The following STARD9 variants were observed in gnomAD, a reference collection of about 807,000 sequenced individuals.
STARD9 encodes StAR related lipid transfer domain containing 9.
In STARD9, 346 loss-of-function variants were observed where a neutral mutation model predicts 399.8. The ratio of observed to expected loss-of-function variants is 0.87; its 90% CI spans 0.79 to 0.95. STARD9 has a LOEUF of 0.95. STARD9 is among the 40% of genes least tolerant of loss of function. STARD9 has a pLI of 0.00. For synonymous variants in STARD9, 2,203 were observed against 2,143.5 expected, an observed-to-expected ratio of 1.03 and a Z score of -0.77; for missense variants, 5,832 against 5,667.5, an observed-to-expected ratio of 1.03 and a Z score of -0.93.
chr15:42,602,363 G>C (rs2058646597), intron 3 of STARD9, among the ~76,000 whole-genome samples: 1 of 152,196 alleles, frequency 6.6e-6, no homozygotes, highest in African/African-American at 2.4e-5. Flanking sequence ...TCAAGGTAGA[G>C]GGGTCGTGAC....
In STARD9 at chr15:42,689,366, T is replaced by C. The variant is rs948091617; in HGVS notation, c.7788T>C (p.Cys2596=). ...CSSRVAGRPQ[C]KQIDQSSSDQ... ...CAAGGGTTGCTGGCAGGCCTCAGTG[T>C]AAACAAATAGACCAGTCATCATCAG... The change falls in exon 23 of 33, where the codon TGT becomes TGC. Residue 2596 remains cysteine (C), a synonymous_variant. Transcript: ENST00000290607. 6.5e-7 allele frequency: 1 copy of C among 1,537,178 alleles called. No individual in the cohort carries two copies. Among genetic ancestry groups the C allele is most frequent in the African/African-American group, 1.4e-5 (1 of 73,036 alleles).
chr15:42,716,653 T>C, intron 26 of STARD9, 24 bp from the exon 27 acceptor site: 1 of 1,452,718 alleles, frequency 6.9e-7, no homozygotes, highest in Non-Finnish European at 9.3e-7. Flanking sequence ...TCTGGCTCTG[T>C]CCTGAGTATC....
At chr15:42,594,250 A>G (rs1030805897) in intron 3 of STARD9, among the ~76,000 whole-genome samples, 4 of 152,222 alleles carry the variant, frequency 2.6e-5, no homozygotes, top group African/African-American at 9.6e-5. Context: ...GCAGGAACCA[A>G]GAGGAGCCAC....
intron 1 of STARD9, among the ~76,000 whole-genome samples, chr15:42,580,529 A>T (rs1339899532): frequency 6.6e-6 from 1 of 152,178 alleles, no homozygotes; most frequent in Admixed American, 6.5e-5. Flanking sequence ...ATAAAAAAAA[A>T]CAACTAGAAG....
At position 42,717,978 on chromosome 15, in the gene STARD9, T is replaced by C. The variant is rs1197770060; in HGVS notation, c.13561T>C (p.Tyr4521His). Reference protein sequence around the residue: ...FSCQATAGWNYQGEEQAVQLY... With the variant: ...FSCQATAGWNHQGEEQAVQLY... ...TCTGTGCTTGGTGTCTCCCCCCAGC[T>C]ATCAGGGTGAGGAGCAGGCGGTGCA... The change falls in exon 30 of 33, where the codon TAT becomes CAT. Residue 4521 changes from tyrosine to histidine, a missense_variant and splice_region_variant. This residue lies in a region of STARD9 where 5,828 missense variants were observed against 5,651.1 expected (regional missense o/e 1.03). Transcript: ENST00000290607. The C allele has an allele frequency of 6.5e-7, 1 of 1,537,166 alleles. No homozygotes were observed.
In STARD9 at chr15:42,686,838, G is replaced by C; in HGVS notation, c.5260G>C (p.Asp1754His). 6.5e-7 allele frequency: 1 copy of C among 1,537,092 alleles called. No individual in the cohort carries two copies. Among genetic ancestry groups the C allele is most frequent in the South Asian group, 1.2e-5 (1 of 84,064 alleles). ...LETFYVTKSR[D>H]ALTETALEIP... ...AACATTCTATGTGACCAAAAGCAGG[G>C]ATGCCCTGACAGAAACTGCCTTAGA... Residue 1754 changes from aspartate (D) to histidine (H), a missense_variant, in exon 23 of 33, where the codon GAT becomes CAT. Asp to His is a moderately conservative substitution (Grantham distance 81). Coordinates refer to ENST00000290607, the MANE Select transcript of STARD9 (RefSeq NM_020759.3).
intron 26 of STARD9, among the ~76,000 whole-genome samples, chr15:42,701,715 C>T (rs553534463): frequency 3.0e-4 from 45 of 152,112 alleles, no homozygotes; most frequent in Non-Finnish European, 5.9e-4. Flanking sequence ...AATGCCCTGG[C>T]CAGGCACGGT....
chr15:42,688,816 C>G lies in STARD9; in HGVS notation c.7238C>G (p.Ser2413Cys). ...AHTAWCGSVR[S>C]MAMGSHSQSG... ...ACTGCCTGGTGTGGGTCTGTGCGAT[C>G]CATGGCCATGGGATCTCATAGTCAA... The change falls in exon 23 of 33, where the codon TCC (serine) becomes TGC (cysteine). Residue 2413 changes from serine to cysteine, a missense_variant. Physicochemically the swap from Ser to Cys is moderately radical, Grantham distance 112. Around this residue, in one of 2 missense-constraint regions of STARD9, gnomAD observed 5,828 missense variants for 5,651.1 expected, o/e 1.03. Coordinates refer to ENST00000290607, the MANE Select transcript of STARD9 (RefSeq NM_020759.3). 6.5e-7 allele frequency: 1 copy of G among 1,537,384 alleles called. No individual in the cohort carries two copies. Among genetic ancestry groups the G allele is most frequent in the Non-Finnish European group, 8.7e-7 (1 of 1,146,950 alleles).
At chr15:42,667,954 T>G (rs1271974031) in intron 15 of STARD9, among the ~76,000 whole-genome samples, 1 of 152,264 alleles carries the variant, frequency 6.6e-6, no homozygotes, top group Non-Finnish European at 1.5e-5. Context: ...TTCAGTCATG[T>G]ATTCTGATTT....
At chr15:42,674,345 G>T in intron 16 of STARD9, 95 bp from the exon 17 acceptor site, 1 of 1,002,252 alleles carries the variant, frequency 1.0e-6, no homozygotes, top group Admixed American at 2.0e-5. Flanking sequence ...AGATGAGGCT[G>T]GGAAGACAGT....
intron 3 of STARD9, among the ~76,000 whole-genome samples, chr15:42,596,559 A>C (rs1039739097): frequency 6.6e-6 from 1 of 152,192 alleles, no homozygotes; most frequent in Non-Finnish European, 1.5e-5. Context: ...GACTGCTAAC[A>C]GGTGCTAAAT....
chr15:42,616,715 C>A (rs2058969374), intron 3 of STARD9, among the ~76,000 whole-genome samples: 1 of 151,744 alleles, frequency 6.6e-6, no homozygotes, highest in African/African-American at 2.4e-5. Context: ...CACGGTGAAA[C>A]CCCATCTCTA....
chr15:42,616,183 G>GA (rs1296994438), intron 3 of STARD9, among the ~76,000 whole-genome samples: 1 of 152,208 alleles, frequency 6.6e-6, no homozygotes, highest in African/African-American at 2.4e-5. Context: ...TATGTGCAAT[G>GA]AAAAGGTTAA....
At chr15:42,613,256 G>A (rs762555081) in intron 3 of STARD9, among the ~76,000 whole-genome samples, 4 of 151,824 alleles carry the variant, frequency 2.6e-5, no homozygotes, top group Non-Finnish European at 5.9e-5. Flanking sequence ...TGAAGCACTA[G>A]ACAGGGACTT....
chr15:42,627,655 A>T (rs941044465), intron 3 of STARD9, among the ~76,000 whole-genome samples: 1 of 152,132 alleles, frequency 6.6e-6, no homozygotes, highest in Non-Finnish European at 1.5e-5. Flanking sequence ...CATGAGTTCA[A>T]GTGTTTTAAT....
intron 14 of STARD9, among the ~76,000 whole-genome samples, chr15:42,665,539 T>C (rs1185466576): frequency 2.0e-5 from 3 of 152,222 alleles, no homozygotes; most frequent in Non-Finnish European, 1.5e-5. Flanking sequence ...TATCATCTCT[T>C]GTCTTGTGCC....
At chr15:42,704,525 A>G (rs1304648797) in intron 26 of STARD9, among the ~76,000 whole-genome samples, 1 of 152,202 alleles carries the variant, frequency 6.6e-6, no homozygotes, top group East Asian at 1.9e-4. Context: ...CAGGAATTCA[A>G]AGGAGCCTGA....
chr15:42,702,479 G>A (rs1334013878), intron 26 of STARD9, among the ~76,000 whole-genome samples: 1 of 152,138 alleles, frequency 6.6e-6, no homozygotes, highest in East Asian at 1.9e-4. Context: ...TGGGATTACA[G>A]GCATGAGCCA....
chr15:42,583,107 T>G (rs1333240684), intron 1 of STARD9, among the ~76,000 whole-genome samples: 1 of 152,216 alleles, frequency 6.6e-6, no homozygotes, highest in Admixed American at 6.5e-5. Flanking sequence ...TAAAGTGCCT[T>G]ACACATAGAG....
Sources: allele counts gnomAD v4.1 joint callset (sites outside exome capture counted in the v4.1 genomes callset), GRCh38; gene constraint gnomAD v4.1.1; regional missense constraint gnomAD v4.1.1; transcripts MANE v1.5; gene names NCBI Gene and HGNC (gene_info 2026-07-23, HGNC 2026-07-21).